NCKAP5: variants seen among roughly 807,000 people sequenced by gnomAD.
NCKAP5 encodes nck-associated protein 5.
NCKAP5 carries 92 observed loss-of-function variants against 167.0 expected under a neutral mutation model. That is an observed-to-expected ratio of 0.55 (90% CI 0.47 to 0.66). NCKAP5 has a LOEUF of 0.66. NCKAP5 is among the 30% of genes least tolerant of loss of function. The pLI is 0.00. For synonymous variants in NCKAP5, 891 were observed against 877.4 expected (o/e 1.02, Z -0.27); for missense variants, 2,378 against 2,315.0 (o/e 1.03, Z -0.56).
the NCKAP5 span, among the ~76,000 whole-genome samples, chr2:133,586,807 A>G: frequency 6.6e-6 from 1 of 151,534 alleles, no homozygotes; most frequent in Admixed American, 6.6e-5. Context: ...GATTTAGGAT[A>G]GGCAGGTAGC....
intron 3 of NCKAP5, among the ~76,000 whole-genome samples, chr2:133,514,989 G>A (rs1037737374): frequency 2.6e-5 from 4 of 152,012 alleles, no homozygotes; most frequent in Non-Finnish European, 4.4e-5. Context: ...CAGGTTTGTT[G>A]TTCTTGTTGT....
At chr2:132,983,449 T>C (rs372284216) in intron 7 of NCKAP5, among the ~76,000 whole-genome samples, 9 of 152,216 alleles carry the variant, frequency 5.9e-5, no homozygotes, top group African/African-American at 1.9e-4. Context: ...GGGTCTGTCA[T>C]AGATGGCTCT....
At chr2:133,370,695 C>T (rs1369406133) in intron 3 of NCKAP5, among the ~76,000 whole-genome samples, 1 of 148,882 alleles carries the variant, frequency 6.7e-6, no homozygotes, top group Non-Finnish European at 1.5e-5. Flanking sequence ...AAAAGTTTGG[C>T]TAACGTATTT....
At chr2:132,679,342 A>C (rs1387202557) in intron 19 of NCKAP5, among the ~76,000 whole-genome samples, 1 of 152,084 alleles carries the variant, frequency 6.6e-6, no homozygotes, top group Non-Finnish European at 1.5e-5. Flanking sequence ...TTGCTAGGCA[A>C]GTCAGTCCCT....
chr2:133,632,144 G>C, the NCKAP5 span, among the ~76,000 whole-genome samples: 4 of 152,222 alleles, frequency 2.6e-5, 1 homozygote, highest in African/African-American at 9.6e-5. Flanking sequence ...GTGTTCACCA[G>C]GGGGAGGACT....
Position 133,300,211 on chromosome 2 carries a change from T to A in NCKAP5, c.143+2826A>T, listed in dbSNP as rs568647081. Among the ~76,000 whole-genome samples the A allele has an allele frequency of 8.5e-4, 105 of 123,346 alleles. 1 individual carries two copies. The highest frequency in any genetic ancestry group is 1.3e-3 in the Non-Finnish European group (80 of 60,438). The allele number at this position is 123,346 out of a possible 152,430, so 80.9% of individuals were successfully genotyped here. ...TTCTACCAGAGGTACAAGGAGGAAC[T>A]GGTACCATTCCTTCTGAAACTATTC... On this transcript the variant is annotated intron_variant, in intron 4 of 19. Transcript: ENST00000409261.
At chr2:133,087,855 T>C (rs921980796) in intron 6 of NCKAP5, among the ~76,000 whole-genome samples, 2 of 152,226 alleles carry the variant, frequency 1.3e-5, no homozygotes, top group African/African-American at 4.8e-5. Flanking sequence ...AAATATTTAC[T>C]GAGCAATTAC....
chr2:133,648,271 C>T, the NCKAP5 span, among the ~76,000 whole-genome samples: 1 of 151,608 alleles, frequency 6.6e-6, no homozygotes, highest in Admixed American at 6.6e-5. Flanking sequence ...TAAAAAAAAA[C>T]TGGCAAAACT....
intron 16 of NCKAP5, among the ~76,000 whole-genome samples, chr2:132,757,899 T>C (rs1574100231): frequency 1.3e-5 from 2 of 152,210 alleles, no homozygotes; most frequent in South Asian, 2.1e-4. Context: ...TTTGACATCA[T>C]AGCTGGAATT....
chr2:133,291,258 C>T (rs184806786), intron 4 of NCKAP5, among the ~76,000 whole-genome samples: 4 of 152,248 alleles, frequency 2.6e-5, no homozygotes, highest in African/African-American at 9.6e-5. Flanking sequence ...GTGAAACATA[C>T]AAAACATGCT....
intron 3 of NCKAP5, among the ~76,000 whole-genome samples, chr2:133,496,769 T>C (rs534766721): frequency 5.3e-5 from 8 of 152,246 alleles, no homozygotes; most frequent in East Asian, 1.9e-4. Flanking sequence ...ACTGGGAAAA[T>C]TGGCATCTAT....
chr2:133,512,923 C>A (rs920962054), intron 3 of NCKAP5, among the ~76,000 whole-genome samples: 1 of 152,156 alleles, frequency 6.6e-6, no homozygotes, highest in African/African-American at 2.4e-5. Context: ...CCCAGAGTGA[C>A]CTCAGCATCT....
At chr2:133,355,190 T>G (rs1323128088) in intron 3 of NCKAP5, among the ~76,000 whole-genome samples, 1 of 152,218 alleles carries the variant, frequency 6.6e-6, no homozygotes, top group Non-Finnish European at 1.5e-5. Context: ...TGAGTGATTA[T>G]AAGCCTATCT....
intron 4 of NCKAP5, among the ~76,000 whole-genome samples, chr2:133,223,620 T>C (rs1156779430): frequency 6.6e-6 from 1 of 152,310 alleles, no homozygotes; most frequent in Non-Finnish European, 1.5e-5. Context: ...GAAATGTCTT[T>C]ATATACTTTT....
chr2:132,857,784 T>A (rs1189853174), intron 11 of NCKAP5, among the ~76,000 whole-genome samples: 1 of 152,220 alleles, frequency 6.6e-6, no homozygotes, highest in Non-Finnish European at 1.5e-5. Flanking sequence ...CTTAAGATTT[T>A]AATTTCAGCT....
chr2:133,163,208 T>A (rs559583244), intron 5 of NCKAP5, among the ~76,000 whole-genome samples: 5 of 152,368 alleles, frequency 3.3e-5, no homozygotes, highest in African/African-American at 1.2e-4. Flanking sequence ...CCAGCATTTC[T>A]GTTGTTGTGT....
intron 3 of NCKAP5, among the ~76,000 whole-genome samples, chr2:133,364,315 A>G (rs1239410408): frequency 2.0e-5 from 3 of 152,182 alleles, no homozygotes; most frequent in East Asian, 3.8e-4. Flanking sequence ...ATAATTAAAT[A>G]TTCTTGACTC....
At chr2:133,269,410 C>G (rs2089408484) in intron 4 of NCKAP5, among the ~76,000 whole-genome samples, 2 of 152,116 alleles carry the variant, frequency 1.3e-5, no homozygotes, top group South Asian at 4.1e-4. Flanking sequence ...CAGTAAAAAT[C>G]TCACTGAGAA....
At chr2:133,401,949 C>T (rs1574886708) in intron 3 of NCKAP5, among the ~76,000 whole-genome samples, 1 of 152,100 alleles carries the variant, frequency 6.6e-6, no homozygotes, top group African/African-American at 2.4e-5. Flanking sequence ...CTTGTGGCTG[C>T]CAAGCTTGCC....
Sources: gnomAD v4.1 joint callset for allele counts (sites outside exome capture counted in the v4.1 genomes callset) on GRCh38, gnomAD v4.1.1 for gene constraint, MANE v1.5 for transcripts, NCBI Gene and HGNC (gene_info 2026-07-23, HGNC 2026-07-21) for gene names.